CTNNA2: variants seen among roughly 807,000 people sequenced by gnomAD.
CTNNA2 encodes the protein catenin alpha-2.
Under a neutral mutation model 101.0 loss-of-function variants are expected in CTNNA2, and 42 were observed. The ratio of observed to expected loss-of-function variants is 0.42; its 90% CI spans 0.32 to 0.54. CTNNA2 has a LOEUF of 0.54. CTNNA2 is among the 20% of genes least tolerant of loss of function. The pLI is 0.14. For synonymous variants in CTNNA2, 450 were observed against 456.4 expected, an observed-to-expected ratio of 0.99 and a Z score of 0.18; for missense variants, 871 against 1,223.1, an observed-to-expected ratio of 0.71 and a Z score of 4.29.
intron 1 of CTNNA2, among the ~76,000 whole-genome samples, chr2:79,525,762 T>G (rs181478950): frequency 3.4e-4 from 52 of 152,138 alleles, no homozygotes; most frequent in Non-Finnish European, 6.2e-4. Context: ...GCAAGAGACT[T>G]TTATTAGTGC....
chr2:79,313,076 T>C (rs1287943901), intron 3 of CTNNA2, among the ~76,000 whole-genome samples: 1 of 152,200 alleles, frequency 6.6e-6, no homozygotes, highest in Non-Finnish European at 1.5e-5. Context: ...AAGAATCACT[T>C]CAATGACTTT....
chr2:80,467,009 T>C (rs1274879890), intron 9 of CTNNA2, among the ~76,000 whole-genome samples: 1 of 152,206 alleles, frequency 6.6e-6, no homozygotes, highest in Non-Finnish European at 1.5e-5. Flanking sequence ...TCATGAAGCA[T>C]CAGTTTAGCC....
intron 3 of CTNNA2, among the ~76,000 whole-genome samples, chr2:79,353,706 A>G (rs1206455344): frequency 1.3e-5 from 2 of 152,048 alleles, no homozygotes; most frequent in Non-Finnish European, 2.9e-5. Context: ...TGATCCTGTC[A>G]TTGTGTCGTT....
chr2:80,283,709 C>G (rs1674550641), intron 7 of CTNNA2, among the ~76,000 whole-genome samples: 1 of 152,076 alleles, frequency 6.6e-6, no homozygotes, highest in Non-Finnish European at 1.5e-5. Context: ...CTGAGAGAAG[C>G]TGGAAAGAGT....
At chr2:80,473,555 G>A (rs1375021810) in intron 9 of CTNNA2, among the ~76,000 whole-genome samples, 4 of 152,118 alleles carry the variant, frequency 2.6e-5, no homozygotes, top group Non-Finnish European at 5.9e-5. Flanking sequence ...ATGAAAGTCT[G>A]GACATTTTGA....
intron 7 of CTNNA2, among the ~76,000 whole-genome samples, chr2:80,065,559 G>A (rs749789998): frequency 1.2e-4 from 18 of 151,798 alleles, no homozygotes; most frequent in Non-Finnish European, 2.1e-4. Context: ...TCACCATGTT[G>A]GCCAGGATGG....
chr2:79,491,924 A>C (rs2104565262), intron 4 of CTNNA2, among the ~76,000 whole-genome samples: 1 of 152,346 alleles, frequency 6.6e-6, no homozygotes. Context: ...GACATCTGGG[A>C]ACTGTAGATT....
At chr2:80,644,289 C>T (rs746260484) in intron 18 of CTNNA2, among the ~76,000 whole-genome samples, 1 of 152,126 alleles carries the variant, frequency 6.6e-6, no homozygotes, top group African/African-American at 2.4e-5. Flanking sequence ...ATTAAAAGGA[C>T]TCAATGTCAG....
chr2:80,190,737 CTAAA>C (rs1290706110), intron 7 of CTNNA2, among the ~76,000 whole-genome samples: 1 of 152,162 alleles, frequency 6.6e-6, no homozygotes, highest in Non-Finnish European at 1.5e-5. Flanking sequence ...GGTTTCTGGC[CTAAA>C]TACAGTCCCA....
chr2:80,103,827 C>G (rs368333780), intron 7 of CTNNA2, among the ~76,000 whole-genome samples: 4 of 152,162 alleles, frequency 2.6e-5, no homozygotes, highest in Non-Finnish European at 5.9e-5. Flanking sequence ...CTCTGCCTCC[C>G]GGGTTCAAGT....
At chr2:79,811,816 G>T (rs1404696209) in intron 3 of CTNNA2, among the ~76,000 whole-genome samples, 1 of 152,034 alleles carries the variant, frequency 6.6e-6, no homozygotes, top group East Asian at 1.9e-4. Context: ...TCTATCTGGG[G>T]AGAACTGACA....
At chr2:79,985,809 C>T (rs1574475570) in intron 7 of CTNNA2, among the ~76,000 whole-genome samples, 1 of 152,242 alleles carries the variant, frequency 6.6e-6, no homozygotes. Context: ...TGTCTTGTAG[C>T]AGACCTGGAG....
chr2:80,508,752 G>A (rs1412297763), intron 9 of CTNNA2, among the ~76,000 whole-genome samples: 1 of 151,604 alleles, frequency 6.6e-6, no homozygotes, highest in Non-Finnish European at 1.5e-5. Context: ...TCCTCATACA[G>A]AGTTCCCTCC....
intron 7 of CTNNA2, among the ~76,000 whole-genome samples, chr2:80,035,378 T>A (rs1026914486): frequency 1.3e-5 from 2 of 152,178 alleles, no homozygotes; most frequent in African/African-American, 2.4e-5. Flanking sequence ...GAAGATTAAA[T>A]GAGAAAAATA....
At chr2:80,528,351 C>A (rs1417791255) in intron 9 of CTNNA2, among the ~76,000 whole-genome samples, 9 of 152,140 alleles carry the variant, frequency 5.9e-5, no homozygotes, top group Admixed American at 5.9e-4. Context: ...CACTCACCAC[C>A]ATGCCTGGCT....
At chr2:79,657,349 A>AAC (rs1681685487) in intron 2 of CTNNA2, among the ~76,000 whole-genome samples, 2 of 152,008 alleles carry the variant, frequency 1.3e-5, no homozygotes, top group Admixed American at 1.3e-4. Flanking sequence ...AAAGGAAGGG[A>AAC]ATCAGTTCCT....
intron 1 of CTNNA2, among the ~76,000 whole-genome samples, chr2:79,607,412 T>G (rs376181870): frequency 8.1e-4 from 124 of 152,280 alleles, no homozygotes; most frequent in South Asian, 4.6e-3. Flanking sequence ...ACCTAATCGA[T>G]GTTTATAGAA....
At chr2:79,891,289 G>T (rs935083615) in intron 6 of CTNNA2, among the ~76,000 whole-genome samples, 5 of 152,192 alleles carry the variant, frequency 3.3e-5, no homozygotes, top group African/African-American at 1.2e-4. Flanking sequence ...TTATTTTAAA[G>T]CAAGTACATG....
At position 80,225,580 on chromosome 2, in the gene CTNNA2, A is replaced by G. The variant is rs1343925321; in HGVS notation, c.1057-167631A>G. Among the ~76,000 whole-genome samples, 7 of 152,340 alleles carry G rather than the reference A, an allele frequency of 4.6e-5. No homozygotes were observed. The East Asian group carries it at 1.4e-3, about 29-fold the overall frequency. The stretch of plus-strand genomic sequence containing the variant: ...CCTATTTTTAATTTTTTTTGAAAAC[A>G]TTCTCCATTGCCATAGTAGGAAAAC... On this transcript the variant is annotated intron_variant, in intron 7 of 18. Coordinates refer to ENST00000402739, the MANE Select transcript of CTNNA2 (RefSeq NM_001282597.3).
Sources: gnomAD v4.1 joint callset for allele counts (sites outside exome capture counted in the v4.1 genomes callset) on GRCh38, gnomAD v4.1.1 for gene constraint, MANE v1.5 for transcripts, NCBI Gene and HGNC (gene_info 2026-07-23, HGNC 2026-07-21) for gene names.